Variants in ITGAX observed in about 807,000 individuals in gnomAD.
The protein encoded by ITGAX is integrin alpha-X.
ITGAX carries 99 observed loss-of-function variants against 140.2 expected under a neutral mutation model. The ratio of observed to expected loss-of-function variants is 0.71; its 90% CI spans 0.60 to 0.83. The LOEUF is 0.83. ITGAX is among the 40% of genes least tolerant of loss of function. The pLI, the probability that ITGAX is intolerant of heterozygous loss-of-function variation, is 0.00. For synonymous variants in ITGAX, 631 were observed against 600.4 expected, an observed-to-expected ratio of 1.05 and a Z score of -0.75; for missense variants, 1,444 against 1,482.0, an observed-to-expected ratio of 0.97 and a Z score of 0.42.
At chr16:31,374,789 C>A (rs909717682) in intron 20 of ITGAX, among the ~76,000 whole-genome samples, 5 of 152,198 alleles carry the variant, frequency 3.3e-5, no homozygotes, top group African/African-American at 1.2e-4. Flanking sequence ...TCATTGTACT[C>A]CTCCTTATTC....
In ITGAX at chr16:31,382,542, G is replaced by T; in HGVS notation, c.*635G>T. ...AAGTCCCCTTCCATCCCAGAGGGTG[G>T]GCTTCAGGGCGCACAGCATGAGAGG... On this transcript the variant is annotated 3_prime_UTR_variant, in exon 30 of 30. Coordinates refer to ENST00000268296, the MANE Select transcript of ITGAX (RefSeq NM_000887.5). The T allele has an allele frequency of 9.4e-7, 1 of 1,061,724 alleles. No homozygotes were observed. The highest frequency in any genetic ancestry group is 1.4e-6 in the Non-Finnish European group (1 of 713,634). 65.8% of individuals were successfully genotyped at this position (1,061,724 alleles called of 1,614,324 possible).
Position 31,360,029 on chromosome 16 carries a change from G to A in ITGAX, c.671G>A (p.Gly224Glu), listed in dbSNP as rs1363780979. ...TTGGCTTCTGTTCACCAGCTGCAAG[G>A]GTTTACATACACGGCCACCGCCATC... Reference protein sequence around the residue: ...SLLASVHQLQGFTYTATAIQN... With the variant: ...SLLASVHQLQEFTYTATAIQN... The change falls in exon 7 of 30, where the codon GGG becomes GAG. Residue 224 changes from glycine (G) to glutamate (E), a missense_variant. Transcript: ENST00000268296. 6.2e-7 allele frequency: 1 copy of A among 1,613,038 alleles called. No individual in the cohort carries two copies. The highest frequency in any genetic ancestry group is 1.1e-5 in the South Asian group (1 of 91,078).
intron 20 of ITGAX, among the ~76,000 whole-genome samples, chr16:31,375,146 G>C (rs1200802088): frequency 2.6e-5 from 4 of 152,208 alleles, no homozygotes; most frequent in African/African-American, 9.6e-5. Context: ...CTCCTGAGTA[G>C]CTGGGATTAC....
intron 26 of ITGAX, 69 bp from the exon 27 acceptor site, chr16:31,380,197 C>T (rs1433094056): frequency 5.8e-6 from 9 of 1,554,114 alleles, no homozygotes; most frequent in South Asian, 2.3e-5. Context: ...CCTCAAGTCA[C>T]ACCGCATAAT....
At chr16:31,356,841 C>T (rs1050095004) in intron 3 of ITGAX, 113 bp downstream of exon 3, 11 of 883,522 alleles carry the variant, frequency 1.2e-5, no homozygotes, top group Non-Finnish European at 1.9e-5. Flanking sequence ...CTGAGACCCT[C>T]ACCCTCAGAT....
intron 2 of ITGAX, 24 bp downstream of exon 2, chr16:31,356,022 T>G (rs1305925761): frequency 6.5e-7 from 1 of 1,546,406 alleles, no homozygotes; most frequent in Admixed American, 1.7e-5. Context: ...GGTGCTGGCC[T>G]TTGGCTCCAT....
At chr16:31,364,712 C>T (rs1483867848) in intron 14 of ITGAX, among the ~76,000 whole-genome samples, 1 of 151,934 alleles carries the variant, frequency 6.6e-6, no homozygotes, top group Non-Finnish European at 1.5e-5. Context: ...CATGGCAGGT[C>T]CTCAAAACAT....
rs747704848 is a variant in ITGAX at position 31,363,114 on chromosome 16, G to A, written c.1500+39G>A. On this transcript the variant is annotated intron_variant, in intron 13 of 29. Coordinates refer to ENST00000268296, the MANE Select transcript of ITGAX (RefSeq NM_000887.5). The stretch of plus-strand genomic sequence containing the variant: ...GGGCCTGGGGTGGGTGGGGTCTGGT[G>A]TGGGTGGAGGGGTTGCCCGGGTTGG... The A allele has an allele frequency of 8.1e-6, 13 of 1,605,604 alleles. No homozygotes were observed. The African/African-American group carries it at 1.6e-4, about 20-fold the overall frequency.
intron 13 of ITGAX, 28 bp downstream of exon 13, chr16:31,363,103 T>TGGGTGTGGGGCGGGGGGGGGGG: frequency 1.8e-6 from 1 of 565,380 alleles, no homozygotes; most frequent in Non-Finnish European, 2.9e-6. Context: ...CTGGGGTGGG[T>TGGGTGTGGGGCGGGGGGGGGGG]GGGGTCTGGT....
chr16:31,381,967 C>A lies in ITGAX; in HGVS notation c.*60C>A. 7.1e-7 allele frequency: 1 copy of A among 1,406,952 alleles called. No homozygotes were observed. Among genetic ancestry groups the A allele is most frequent in the Non-Finnish European group, 1.0e-6 (1 of 1,001,676 alleles). 87.2% of individuals were successfully genotyped at this position (1,406,952 alleles called of 1,614,324 possible). A position where few individuals can be genotyped will look rare whatever the true frequency, so the allele number is the denominator to read the frequency against. Reference sequence around the variant, plus strand: ...AGTTTTCCCCACTTACTTACCCTCACCTGTCAGGCCTGACGGGGAGGAACC... The same window carrying A: ...AGTTTTCCCCACTTACTTACCCTCAACTGTCAGGCCTGACGGGGAGGAACC... On this transcript the variant is annotated 3_prime_UTR_variant, in exon 30 of 30. Transcript: ENST00000268296.
At position 31,380,061 on chromosome 16, in the gene ITGAX, T is replaced by C. The variant is rs770562292; in HGVS notation, c.3056T>C (p.Val1019Ala). 1 of 1,614,054 alleles carries C rather than the reference T, an allele frequency of 6.2e-7. No individual in the cohort carries two copies. The highest frequency in any genetic ancestry group is 8.5e-7 in the Non-Finnish European group (1 of 1,179,930). The change falls in exon 26 of 30, where the codon GTG becomes GCG. Residue 1019 changes from valine to alanine, a missense_variant. Coordinates refer to ENST00000268296, the MANE Select transcript of ITGAX (RefSeq NM_000887.5). ...DFLAHIQKNPVLDCSIAGCLR... is the reference protein window; with the variant it reads ...DFLAHIQKNPALDCSIAGCLR... ...CTGGCGCACATTCAGAAGAATCCCG[T>C]GCTGGTGAGGAGGGCTCTGGGCTGG...
In ITGAX at chr16:31,359,692, T is replaced by C; in HGVS notation, c.431-8T>C. On this transcript the variant is annotated splice_polypyrimidine_tract_variant and splice_region_variant and intron_variant, in intron 5 of 29. Transcript: ENST00000268296. ...CACTTGGAGGACCGGTGCCACCTCC[T>C]TCCCCAGAGTGCCCAAGACAGGAGC... 6.2e-7 allele frequency: 1 copy of C among 1,613,814 alleles called. No individual in the cohort carries two copies. Among genetic ancestry groups the C allele is most frequent in the Non-Finnish European group, 8.5e-7 (1 of 1,179,848 alleles).
rs369904087 is a variant in ITGAX, at chr16:31,372,033, T to C, written c.2160+249T>C. On this transcript the variant is annotated intron_variant, in intron 17 of 29. Coordinates refer to ENST00000268296, the MANE Select transcript of ITGAX (RefSeq NM_000887.5). The stretch of plus-strand genomic sequence containing the variant: ...AGAATTGGGCAACCTGAGAGAGCTC[T>C]GGGGCTTCCGGCTGGGCTTTTTTTC... 1.3e-4 allele frequency among the ~76,000 whole-genome samples: 20 copies of C among 152,216 alleles called. No homozygotes were observed. In the East Asian group the frequency reaches 2.3e-3, roughly 18 times the overall value.
chr16:31,365,058 C>T (rs1161815041), intron 14 of ITGAX, among the ~76,000 whole-genome samples: 1 of 152,070 alleles, frequency 6.6e-6, no homozygotes. Context: ...ATAGAGTTGC[C>T]ATGTGATCTG....
intron 17 of ITGAX, 94 bp from the exon 18 acceptor site, chr16:31,372,284 A>T: frequency 6.9e-7 from 1 of 1,458,488 alleles, no homozygotes; most frequent in Non-Finnish European, 9.2e-7. Context: ...GCCGCGCGGG[A>T]GCTGGGCAGA....
At chr16:31,357,691 A>C (rs1046898808) in intron 5 of ITGAX, 11 of 432,464 alleles carry the variant, frequency 2.5e-5, no homozygotes, top group Non-Finnish European at 4.0e-5. Flanking sequence ...CGACAGCCCC[A>C]TGAAGGCCAG....
intron 17 of ITGAX, among the ~76,000 whole-genome samples, chr16:31,372,172 G>C (rs956335721): frequency 8.0e-5 from 12 of 150,708 alleles, no homozygotes; most frequent in African/African-American, 2.7e-4. Context: ...GTCTGGGGGG[G>C]GGGAGGAAAA....
In ITGAX at chr16:31,357,194, C is replaced by T. The variant is rs545813521; in HGVS notation, c.319-59C>T. On this transcript the variant is annotated intron_variant, in intron 4 of 29. Coordinates refer to ENST00000268296, the MANE Select transcript of ITGAX (RefSeq NM_000887.5). Reference sequence around the variant, plus strand: ...GGAGTCTCCTGTAGGGTGGAGGTTCCGGAATGTGAGGGTGGGAGGAAGCAG... The same window carrying T: ...GGAGTCTCCTGTAGGGTGGAGGTTCTGGAATGTGAGGGTGGGAGGAAGCAG... 3.1e-4 allele frequency: 475 copies of T among 1,544,458 alleles called. 1 individual carries two copies. In the African/African-American group the frequency reaches 5.0e-3, roughly 16 times the overall value.
At chr16:31,381,156 C>A (rs1383702351) in intron 29 of ITGAX, 149 bp downstream of exon 29, 5 of 572,656 alleles carry the variant, frequency 8.7e-6, no homozygotes, top group Non-Finnish European at 1.5e-5. Flanking sequence ...GTCACCTGTC[C>A]CCAGTGGCCC....
Sources: gnomAD v4.1 joint callset for allele counts (sites outside exome capture counted in the v4.1 genomes callset) on GRCh38, gnomAD v4.1.1 for gene constraint, MANE v1.5 for transcripts, NCBI Gene and HGNC (gene_info 2026-07-23, HGNC 2026-07-21) for gene names.